The following IFT56 variants were observed in gnomAD, a reference collection of about 807,000 sequenced individuals.
The protein encoded by IFT56 is intraflagellar transport 56.
At chr7:139,180,308 C>A in the IFT56 span, among the ~76,000 whole-genome samples, 2 of 152,182 alleles carry the variant, frequency 1.3e-5, no homozygotes, top group Admixed American at 1.3e-4. Flanking sequence ...TGCACGCCAG[C>A]CTGGGCGACA....
chr7:139,142,786 C>T, the IFT56 span, among the ~76,000 whole-genome samples: 7 of 152,108 alleles, frequency 4.6e-5, no homozygotes, highest in East Asian at 9.7e-4. Flanking sequence ...GAGCCGAGAT[C>T]GTGCCACTGC....
the IFT56 span, chr7:139,137,988 T>A: frequency 9.1e-7 from 1 of 1,099,050 alleles, no homozygotes; most frequent in Non-Finnish European, 1.4e-6. Flanking sequence ...TTTAAAATGT[T>A]ATTAAACTTT....
the IFT56 span, among the ~76,000 whole-genome samples, chr7:139,156,146 C>T: frequency 1.5e-4 from 23 of 152,124 alleles, no homozygotes; most frequent in African/African-American, 4.1e-4. Flanking sequence ...TAATTGTTCA[C>T]AGTATTCCTC....
chr7:139,151,135 G>A, the IFT56 span, among the ~76,000 whole-genome samples: 1 of 152,144 alleles, frequency 6.6e-6, no homozygotes, highest in Non-Finnish European at 1.5e-5. Flanking sequence ...TAAAGAAGGA[G>A]GAGATACAAA....
the IFT56 span, chr7:139,181,210 T>G: frequency 1.1e-5 from 18 of 1,580,296 alleles, no homozygotes; most frequent in East Asian, 2.5e-4. Context: ...TGAGTCTGAC[T>G]GAGACTAAAG....
At chr7:139,154,547 T>C in the IFT56 span, among the ~76,000 whole-genome samples, 1 of 152,184 alleles carries the variant, frequency 6.6e-6, no homozygotes, top group Non-Finnish European at 1.5e-5. Context: ...TTTATTCTTT[T>C]GCTTGTAAAT....
the IFT56 span, among the ~76,000 whole-genome samples, chr7:139,155,468 G>T: frequency 6.6e-6 from 1 of 152,090 alleles, no homozygotes; most frequent in South Asian, 2.1e-4. Flanking sequence ...CTTTCCAGGT[G>T]GGGGAACTTC....
the IFT56 span, among the ~76,000 whole-genome samples, chr7:139,187,763 C>A: frequency 1.3e-5 from 2 of 152,136 alleles, no homozygotes; most frequent in Admixed American, 1.3e-4. Context: ...AGGATCAGAT[C>A]ATTCTAAGTC....
the IFT56 span, among the ~76,000 whole-genome samples, chr7:139,175,808 C>G: frequency 6.6e-6 from 1 of 151,580 alleles, no homozygotes; most frequent in African/African-American, 2.4e-5. Flanking sequence ...TTAATAAGAT[C>G]TAGTATTTGG....
At chr7:139,167,311 A>G in the IFT56 span, among the ~76,000 whole-genome samples, 3 of 152,210 alleles carry the variant, frequency 2.0e-5, no homozygotes, top group African/African-American at 4.8e-5. Context: ...CTCTAACACT[A>G]TGTGCATAAA....
the IFT56 span, among the ~76,000 whole-genome samples, chr7:139,165,476 C>T: frequency 6.6e-5 from 10 of 151,892 alleles, no homozygotes; most frequent in East Asian, 1.7e-3. Flanking sequence ...TTTTGCTATC[C>T]TTTATTCTCT....
the IFT56 span, chr7:139,178,414 C>A: frequency 1.4e-6 from 2 of 1,393,400 alleles, no homozygotes; most frequent in Non-Finnish European, 1.0e-6. Context: ...TTAGTGGCAT[C>A]AACTAATCCT....
chr7:139,165,572 C>T, the IFT56 span, among the ~76,000 whole-genome samples: 3 of 152,030 alleles, frequency 2.0e-5, no homozygotes, highest in Non-Finnish European at 2.9e-5. Context: ...GCATTATGTA[C>T]ATTCACATTT....
chr7:139,190,891 G>A, the IFT56 span: 2 of 152,218 alleles, frequency 1.3e-5, no homozygotes, highest in African/African-American at 2.4e-5. Flanking sequence ...AGAATAGATG[G>A]GAAGAGAACT....
At chr7:139,189,235 A>G in the IFT56 span, 3 of 936,380 alleles carry the variant, frequency 3.2e-6, no homozygotes, top group African/African-American at 1.7e-5. Flanking sequence ...CAAGACATAC[A>G]GTATGAAGGA....
At chr7:139,137,596 C>T in the IFT56 span, among the ~76,000 whole-genome samples, 1 of 152,164 alleles carries the variant, frequency 6.6e-6, no homozygotes, top group African/African-American at 2.4e-5. Context: ...AATTGTTAGG[C>T]AACTCAAATA....
At chr7:139,156,389 CTT>C in the IFT56 span, among the ~76,000 whole-genome samples, 1 of 147,426 alleles carries the variant, frequency 6.8e-6, no homozygotes, top group Admixed American at 6.7e-5. Flanking sequence ...TTAGTTTTCT[CTT>C]TTTTTTTTAC....
At chr7:139,189,550 C>T in the IFT56 span, 9 of 715,204 alleles carry the variant, frequency 1.3e-5, no homozygotes, top group Admixed American at 2.5e-4. Flanking sequence ...CTTCCTTGCT[C>T]TTTAAGCCTC....
the IFT56 span, among the ~76,000 whole-genome samples, chr7:139,183,129 G>A: frequency 6.6e-6 from 1 of 152,158 alleles, no homozygotes; most frequent in Non-Finnish European, 1.5e-5. Context: ...CCATTGAACA[G>A]TAAGATTAAA....
Sources: allele counts gnomAD v4.1 joint callset (sites outside exome capture counted in the v4.1 genomes callset), GRCh38; gene constraint gnomAD v4.1.1; transcripts MANE v1.5; gene names NCBI Gene and HGNC (gene_info 2026-07-23, HGNC 2026-07-21).